The following TANC2 variants were observed in gnomAD, a reference collection of about 807,000 sequenced individuals.
TANC2 encodes protein TANC2.
A neutral mutation model predicts 210.5 loss-of-function variants in TANC2; 26 were observed. The observed-to-expected ratio is 0.12, with a 90% CI of 0.09 to 0.17. TANC2 has a LOEUF of 0.17. TANC2 is among the 10% of genes least tolerant of loss of function. The pLI is 1.00. For missense variants in TANC2, 2,129 were observed against 2,608.9 expected (o/e 0.82, Z 4.01); for synonymous variants, 931 against 967.1 (o/e 0.96, Z 0.69).
At position 63,412,194 on chromosome 17, in the gene TANC2, G is replaced by A. The variant is rs1209493734; in HGVS notation, c.3898+64G>A. The A allele has an allele frequency of 2.5e-6, 4 of 1,608,430 alleles. No homozygotes were observed. In the African/African-American group the frequency reaches 5.3e-5, roughly 21 times the overall value. On this transcript the variant is annotated intron_variant, in intron 23 of 27. Coordinates refer to ENST00000689528, the Ensembl canonical transcript of TANC2. The surrounding 1 kb of genome is among the most constrained non-coding windows in gnomAD (Gnocchi z 4.2). ...GGGGCCAGACTGGTCCAGTGGTCTG[G>A]CTGCCCTGGGTATTTGGTGTGAGTG...
chr17:63,111,777 G>A (rs570920343), intron 4 of TANC2, among the ~76,000 whole-genome samples: 13 of 152,036 alleles, frequency 8.6e-5, no homozygotes, highest in Non-Finnish European at 1.8e-4. Context: ...CCAGGCTGGA[G>A]TGCAGTGGCA....
intron 11 of TANC2, among the ~76,000 whole-genome samples, chr17:63,326,403 CCATG>C (rs1481729443): frequency 6.6e-6 from 1 of 152,020 alleles, no homozygotes; most frequent in East Asian, 1.9e-4. Flanking sequence ...AAAAATGAAA[CCATG>C]CAACTAATGG....
chr17:63,222,721 AC>A (rs1412900509), intron 7 of TANC2, among the ~76,000 whole-genome samples: 1 of 31,996 alleles, frequency 3.1e-5, no homozygotes, highest in African/African-American at 2.2e-4. Flanking sequence ...AACTGATTAA[AC>A]ACACACACAC....
chr17:63,246,034 A>G (rs994096751), intron 8 of TANC2, among the ~76,000 whole-genome samples: 12 of 151,556 alleles, frequency 7.9e-5, no homozygotes, highest in African/African-American at 2.4e-4. Context: ...AATTATATGT[A>G]TGTAGGCCTG....
At chr17:63,010,067 T>C (rs957542359) in intron 2 of TANC2, among the ~76,000 whole-genome samples, 1 of 152,162 alleles carries the variant, frequency 6.6e-6, no homozygotes, top group African/African-American at 2.4e-5. Context: ...TGGGTTTTCT[T>C]TTTTAGAACA....
intron 14 of TANC2, among the ~76,000 whole-genome samples, chr17:63,370,656 G>A (rs774054321): frequency 1.2e-4 from 18 of 152,162 alleles, no homozygotes; most frequent in Non-Finnish European, 1.6e-4. Context: ...GAAGTCCAAA[G>A]GCACCACATG....
chr17:63,350,452 C>G (rs908957187), intron 12 of TANC2, among the ~76,000 whole-genome samples: 1 of 152,200 alleles, frequency 6.6e-6, no homozygotes, highest in Admixed American at 6.5e-5. Context: ...AAGCATTTAT[C>G]AAGTGCAGAA....
At chr17:63,398,688 A>G in intron 18 of TANC2, 133 bp from the exon 19 acceptor site, 1 of 563,708 alleles carries the variant, frequency 1.8e-6, no homozygotes, top group African/African-American at 1.9e-5. Context: ...TAGGACGGTC[A>G]ATTCTGATTC....
At chr17:63,161,503 TAAC>T (rs1322912153) in intron 5 of TANC2, among the ~76,000 whole-genome samples, 4 of 152,186 alleles carry the variant, frequency 2.6e-5, no homozygotes, top group Non-Finnish European at 5.9e-5. Context: ...CTGCAACACT[TAAC>T]ACAGTTACTG....
At chr17:63,382,992 T>A in intron 15 of TANC2, among the ~76,000 whole-genome samples, 1 of 152,230 alleles carries the variant, frequency 6.6e-6, no homozygotes, top group East Asian at 1.9e-4. Flanking sequence ...TTCCTGAGCC[T>A]TACTCCCAGA....
At chr17:63,286,061 ATGT>A (rs2044211010) in intron 9 of TANC2, among the ~76,000 whole-genome samples, 1 of 152,090 alleles carries the variant, frequency 6.6e-6, no homozygotes, top group African/African-American at 2.4e-5. Context: ...CCCAACTTCT[ATGT>A]TGTTGTTGTC....
chr17:63,073,880 T>C, intron 2 of TANC2, 63 bp from the exon 3 acceptor site: 1 of 1,311,204 alleles, frequency 7.6e-7, no homozygotes, highest in Non-Finnish European at 1.1e-6. Flanking sequence ...GTAGATAATG[T>C]CAGAGACACT....
intron 13 of TANC2, among the ~76,000 whole-genome samples, chr17:63,352,852 T>G (rs1457277624): frequency 1.3e-5 from 2 of 152,094 alleles, no homozygotes; most frequent in African/African-American, 4.8e-5. Flanking sequence ...GGCTGGAGAT[T>G]CAAAATGAAC....
At chr17:63,179,854 A>C (rs1013012097) in intron 5 of TANC2, among the ~76,000 whole-genome samples, 6 of 152,020 alleles carry the variant, frequency 3.9e-5, no homozygotes, top group Admixed American at 3.9e-4. Flanking sequence ...TTAATTTACA[A>C]AATATTTCTT....
At chr17:63,201,061 T>G in intron 7 of TANC2, 104 bp downstream of exon 7, 1 of 1,041,842 alleles carries the variant, frequency 9.6e-7, no homozygotes, top group East Asian at 2.6e-5. Context: ...ATTGTTGAGA[T>G]GTATATATAA....
At chr17:63,227,318 CATT>C (rs2042354181) in intron 7 of TANC2, among the ~76,000 whole-genome samples, 1 of 152,136 alleles carries the variant, frequency 6.6e-6, no homozygotes, top group Admixed American at 6.6e-5. Context: ...GATGGTATCT[CATT>C]GTGGTTTTGA....
chr17:63,224,440 C>T (rs565233299), intron 7 of TANC2, among the ~76,000 whole-genome samples: 55 of 152,164 alleles, frequency 3.6e-4, no homozygotes, highest in African/African-American at 1.2e-3. Context: ...TTAGGAGAGA[C>T]GAGGTTTCAC....
At chr17:63,388,560 G>T in intron 15 of TANC2, 75 bp from the exon 16 acceptor site, 2 of 1,460,104 alleles carry the variant, frequency 1.4e-6, no homozygotes, top group Non-Finnish European at 1.9e-6. Flanking sequence ...CAAAAACAAA[G>T]AGGCCACTAA....
chr17:63,102,937 G>A (rs572407250), intron 4 of TANC2, among the ~76,000 whole-genome samples: 1 of 152,114 alleles, frequency 6.6e-6, no homozygotes, highest in East Asian at 1.9e-4. Context: ...TATTTGCATG[G>A]CATTTACATT....
Sources: allele counts gnomAD v4.1 joint callset (sites outside exome capture counted in the v4.1 genomes callset), GRCh38; gene constraint gnomAD v4.1.1; non-coding constraint Gnocchi (gnomAD v3.1); transcripts MANE v1.5; gene names NCBI Gene and HGNC (gene_info 2026-07-23, HGNC 2026-07-21).